The following DENND2A variants were observed in gnomAD, a reference collection of about 807,000 sequenced individuals.
The protein encoded by DENND2A is DENN domain containing 2A, also known as DENN domain-containing protein 2A.
A neutral mutation model predicts 105.3 loss-of-function variants in DENND2A; 53 were observed. That is an observed-to-expected ratio of 0.50 (90% CI 0.40 to 0.63). The LOEUF (loss-of-function observed/expected upper bound fraction) is 0.63, where lower values mean the gene tolerates loss of function less well. DENND2A is among the 30% of genes least tolerant of loss of function. The pLI, the probability that DENND2A is intolerant of heterozygous loss-of-function variation, is 0.00. For missense variants in DENND2A, 1,138 were observed against 1,279.6 expected (o/e 0.89, Z 1.69); for synonymous variants, 522 against 508.4 (o/e 1.03, Z -0.36).
chr7:140,589,993 C>T (rs1364461127), intron 3 of DENND2A, among the ~76,000 whole-genome samples: 1 of 152,172 alleles, frequency 6.6e-6, no homozygotes, highest in African/African-American at 2.4e-5. Context: ...GAAATAACAT[C>T]TGAATCTTTA....
intron 9 of DENND2A, among the ~76,000 whole-genome samples, chr7:140,563,033 G>T (rs1797694453): frequency 6.6e-6 from 1 of 152,146 alleles, no homozygotes; most frequent in Admixed American, 6.5e-5. Flanking sequence ...TGTAATTATA[G>T]GAAGGGGTCA....
In DENND2A at chr7:140,525,766, G is replaced by A. The variant is rs774056832; in HGVS notation, c.2532C>T (p.Ser844=). The change falls in exon 16 of 20, where the codon AGC becomes AGT. Residue 844 remains serine, a synonymous_variant. Coordinates refer to ENST00000496613, the MANE Select transcript of DENND2A (RefSeq NM_015689.5). ...EEVLVVDLVN[S]RFLRQMDDED... The stretch of plus-strand genomic sequence containing the variant: ...CCTCACTCACCTGTCTGAGGAACCG[G>A]CTGTTGACGAGGTCAACCACAAGGA... 1.1e-5 allele frequency: 17 copies of A among 1,606,082 alleles called. No homozygotes were observed. The African/African-American group carries it at 1.9e-4, about 18-fold the overall frequency.
chr7:140,612,583 C>A (rs987827176), intron 1 of DENND2A, among the ~76,000 whole-genome samples: 6 of 151,768 alleles, frequency 4.0e-5, no homozygotes, highest in Non-Finnish European at 5.9e-5. Context: ...CTCACTGCAA[C>A]CTCCACCTCG....
At chr7:140,543,182 G>C (rs2130517306) in intron 14 of DENND2A, among the ~76,000 whole-genome samples, 1 of 149,352 alleles carries the variant, frequency 6.7e-6, no homozygotes, top group South Asian at 2.1e-4. Context: ...GCAGTGGCAT[G>C]ATCATAGCTC....
At chr7:140,591,890 CTTTCT>C (rs1220308973) in intron 3 of DENND2A, among the ~76,000 whole-genome samples, 1 of 96,648 alleles carries the variant, frequency 1.0e-5, no homozygotes, top group Non-Finnish European at 1.8e-5. Context: ...TTCTTTCTTT[CTTTCT>C]TTTTCTTCCT....
rs565723636 is a variant in DENND2A at position 140,559,035 on chromosome 7, C to G, written c.1889+673G>C. Among the ~76,000 whole-genome samples the G allele has an allele frequency of 3.9e-5, 6 of 152,188 alleles. No individual in the cohort carries two copies. Among genetic ancestry groups the G allele is most frequent in the Non-Finnish European group, 7.4e-5 (5 of 68,010 alleles). On this transcript the variant is annotated intron_variant, in intron 10 of 19. Transcript: ENST00000496613. This position sits in a 1 kb window ranked among gnomAD's most constrained non-coding sequence, Gnocchi z 4.1. ...TCTGGAGGCTAAAGAGAGGGAAGAGCCTGGGGTGCTGTCCTCAGGGAACTG... is the reference window on the plus strand; with the variant it reads ...TCTGGAGGCTAAAGAGAGGGAAGAGGCTGGGGTGCTGTCCTCAGGGAACTG...
intron 1 of DENND2A, among the ~76,000 whole-genome samples, chr7:140,623,052 C>T (rs1179175182): frequency 2.7e-5 from 4 of 150,428 alleles, no homozygotes; most frequent in East Asian, 2.0e-4. Context: ...AGTCCCTCTC[C>T]GGCTGGGTGT....
intron 1 of DENND2A, among the ~76,000 whole-genome samples, chr7:140,624,854 T>C (rs1050985124): frequency 2.1e-5 from 3 of 142,758 alleles, no homozygotes; most frequent in African/African-American, 8.9e-5. Context: ...TCTTTGTTTT[T>C]TTTGTTTTTT....
chr7:140,583,678 C>A (rs1004685275), intron 5 of DENND2A, among the ~76,000 whole-genome samples: 1 of 150,372 alleles, frequency 6.7e-6, no homozygotes, highest in Non-Finnish European at 1.5e-5. Context: ...GCCTGCAACC[C>A]CAGCACTTTG....
chr7:140,541,440 G>A (rs549749459), intron 14 of DENND2A, among the ~76,000 whole-genome samples: 2 of 152,228 alleles, frequency 1.3e-5, no homozygotes, highest in South Asian at 4.1e-4. Flanking sequence ...GGGGGTGCTG[G>A]GTTTCCTTGG....
chr7:140,618,948 G>C (rs1243240041), intron 1 of DENND2A, among the ~76,000 whole-genome samples: 1 of 152,034 alleles, frequency 6.6e-6, no homozygotes, highest in African/African-American at 2.4e-5. Context: ...ATAGGCGCCC[G>C]CCTCCACGCC....
chr7:140,572,801 G>A (rs936263249), intron 6 of DENND2A, among the ~76,000 whole-genome samples: 3 of 148,390 alleles, frequency 2.0e-5, no homozygotes, highest in East Asian at 2.0e-4. Flanking sequence ...AGTTCAGGAT[G>A]TAACTCCCCA....
At chr7:140,569,830 G>C in intron 6 of DENND2A, 92 bp from the exon 7 acceptor site, 1 of 840,982 alleles carries the variant, frequency 1.2e-6, no homozygotes, top group Non-Finnish European at 2.0e-6. Context: ...TAGGACGATG[G>C]AGGGCCAGGG....
At chr7:140,558,259 A>C in intron 10 of DENND2A, 47 bp from the exon 11 acceptor site, 3 of 1,468,486 alleles carry the variant, frequency 2.0e-6, no homozygotes, top group Non-Finnish European at 2.9e-6. Flanking sequence ...AACAAAACCA[A>C]AGACACCTCA....
chr7:140,614,663 CACA>C (rs1002123096), intron 1 of DENND2A, among the ~76,000 whole-genome samples: 2 of 152,088 alleles, frequency 1.3e-5, no homozygotes, highest in Non-Finnish European at 2.9e-5. Context: ...GAGAAGAAAC[CACA>C]ACAATTACAG....
intron 6 of DENND2A, among the ~76,000 whole-genome samples, chr7:140,571,091 C>T (rs1191268600): frequency 1.3e-5 from 2 of 152,146 alleles, no homozygotes; most frequent in Non-Finnish European, 2.9e-5. Flanking sequence ...TTATATAACA[C>T]TTTTATCTGT....
rs1189526001 is a variant in DENND2A at position 140,606,715 on chromosome 7, T to C, written c.-247-909A>G. On this transcript the variant is annotated intron_variant, in intron 1 of 19. Transcript: ENST00000496613. ...GTCTGGTCTAAGGAACACCAGGAGA[T>C]GGTCTTGGCAAACCCAGGAATCCCA... 2.0e-5 allele frequency among the ~76,000 whole-genome samples: 3 copies of C among 152,290 alleles called. No homozygotes were observed. The East Asian group carries it at 5.8e-4, about 29-fold the overall frequency.
At chr7:140,530,507 T>G (rs1796221251) in intron 14 of DENND2A, among the ~76,000 whole-genome samples, 1 of 152,042 alleles carries the variant, frequency 6.6e-6, no homozygotes, top group African/African-American at 2.4e-5. Flanking sequence ...TATTCGGTCC[T>G]TATCTTTTCT....
At chr7:140,572,238 CTAAA>C (rs1798122093) in intron 6 of DENND2A, among the ~76,000 whole-genome samples, 2 of 151,814 alleles carry the variant, frequency 1.3e-5, no homozygotes, top group African/African-American at 4.8e-5. Flanking sequence ...AACTCCTGGG[CTAAA>C]GTGATCCTCC....
Sources: gnomAD v4.1 joint callset for allele counts (sites outside exome capture counted in the v4.1 genomes callset) on GRCh38, gnomAD v4.1.1 for gene constraint, Gnocchi (gnomAD v3.1) non-coding constraint, MANE v1.5 for transcripts, NCBI Gene and HGNC (gene_info 2026-07-23, HGNC 2026-07-21) for gene names.